LRRC7: variants seen among roughly 807,000 people sequenced by gnomAD.
LRRC7 encodes the protein leucine rich repeat containing 7.
In LRRC7, 23 loss-of-function variants were observed where a neutral mutation model predicts 175.7. That is an observed-to-expected ratio of 0.13 (90% CI 0.09 to 0.19). LRRC7 has a LOEUF of 0.19. LRRC7 is among the 10% of genes least tolerant of loss of function. The probability of loss-of-function intolerance (pLI) is 1.00; values close to 1 mark genes in which losing one functional copy is unlikely to be tolerated. For synonymous variants in LRRC7, 685 were observed against 680.9 expected, an observed-to-expected ratio of 1.01 and a Z score of -0.09; for missense variants, 1,354 against 1,904.7, an observed-to-expected ratio of 0.71 and a Z score of 5.38.
Position 69,718,136 on chromosome 1 carries a change from A to AAAG in LRRC7, c.100+39659_100+39660insAGA, listed in dbSNP as rs1553146112. Among the ~76,000 whole-genome samples, 144 of 79,614 alleles carry AAAG rather than the reference A, an allele frequency of 1.8e-3. 4 individuals are homozygous for AAAG. The highest frequency in any genetic ancestry group is 2.7e-3 in the Admixed American group (21 of 7,674). The allele number at this position is 79,614 out of a possible 152,430, so 52.2% of individuals were successfully genotyped here. On this transcript the variant is annotated intron_variant, in intron 2 of 26. Transcript: ENST00000651989. ...AAGAAAGAAAGAAAGAAAAGAAAGA[A>AAAG]AGAGAGAGAAAGAAAGAAAGAAAGA...
intron 3 of LRRC7, among the ~76,000 whole-genome samples, chr1:69,763,972 T>A (rs1018771165): frequency 6.6e-6 from 1 of 151,950 alleles, no homozygotes; most frequent in Non-Finnish European, 1.5e-5. Flanking sequence ...ATCTCTACTA[T>A]AAGATGTTAT....
At chr1:69,732,256 T>C (rs569653334) in intron 2 of LRRC7, among the ~76,000 whole-genome samples, 1 of 152,066 alleles carries the variant, frequency 6.6e-6, no homozygotes, top group South Asian at 2.1e-4. Context: ...TACTTAATAC[T>C]AGGGCAAAAA....
At chr1:70,057,778 G>A (rs1187365231) in intron 23 of LRRC7, among the ~76,000 whole-genome samples, 3 of 152,158 alleles carry the variant, frequency 2.0e-5, no homozygotes, top group Non-Finnish European at 4.4e-5. Flanking sequence ...GAGAACAAAT[G>A]TGGGTGTCTT....
At chr1:69,800,619 C>G (rs80264050) in intron 4 of LRRC7, among the ~76,000 whole-genome samples, 605 of 151,964 alleles carry the variant, frequency 4.0e-3, no homozygotes, top group African/African-American at 0.014. Flanking sequence ...ATTCCTTTTT[C>G]AAATCTAAGC....
At chr1:70,100,936 C>T (rs956237303) in intron 25 of LRRC7, among the ~76,000 whole-genome samples, 5 of 152,088 alleles carry the variant, frequency 3.3e-5, no homozygotes, top group Non-Finnish European at 5.9e-5. Context: ...CCTTAAAATA[C>T]TTTGTCATCA....
chr1:69,926,978 C>T (rs1027410426), intron 7 of LRRC7, among the ~76,000 whole-genome samples: 12 of 152,280 alleles, frequency 7.9e-5, no homozygotes, highest in Admixed American at 3.3e-4. Flanking sequence ...ATGCTTCCTT[C>T]AGGAGGTCTT....
At position 70,132,501 on chromosome 1, in the gene LRRC7, T is replaced by TGTC. The variant is rs1173077082; in HGVS notation, c.*10615_*10617dup. Among the ~76,000 whole-genome samples the TGTC allele has an allele frequency of 1.2e-4, 17 of 141,860 alleles. No individual in the cohort carries two copies. The highest frequency in any genetic ancestry group is 4.2e-4 in the African/African-American group (16 of 37,914). The allele number at this position is 141,860 out of a possible 152,430, so 93.1% of individuals were successfully genotyped here. ...TTTTTTTTGAGACGGAGTCTCACTC[T>TGTC]GTCATCAGGCTGGAGGCTGGAGTGC... On this transcript the variant is annotated 3_prime_UTR_variant, in exon 27 of 27. Transcript: ENST00000651989.
intron 18 of LRRC7, 31 bp from the exon 19 acceptor site, chr1:70,036,090 T>C (rs563229742): frequency 6.5e-7 from 1 of 1,527,238 alleles, no homozygotes; most frequent in East Asian, 2.3e-5. Flanking sequence ...AAATGTTTAC[T>C]TTCCTTGTCC....
At chr1:70,018,188 C>G (rs1250903755) in intron 14 of LRRC7, among the ~76,000 whole-genome samples, 4 of 151,938 alleles carry the variant, frequency 2.6e-5, no homozygotes, top group African/African-American at 9.7e-5. Flanking sequence ...GAAATATGCA[C>G]AGAGGTCAAT....
At chr1:69,685,476 A>G (rs1292332755) in intron 2 of LRRC7, among the ~76,000 whole-genome samples, 2 of 152,136 alleles carry the variant, frequency 1.3e-5, no homozygotes, top group African/African-American at 4.8e-5. Context: ...CAATTATATA[A>G]TCTCTTGAAA....
intron 7 of LRRC7, among the ~76,000 whole-genome samples, chr1:69,872,485 CTTAAA>C (rs1332216846): frequency 5.3e-5 from 8 of 151,920 alleles, no homozygotes; most frequent in Non-Finnish European, 1.2e-4. Context: ...ATGCCAATTT[CTTAAA>C]TTAAAAAGGT....
intron 1 of LRRC7, among the ~76,000 whole-genome samples, chr1:69,588,988 T>TGTGTGTGTGTGTGG (rs200739266): frequency 0.15 from 22,254 of 147,906 alleles, 1,768 homozygotes; most frequent in Admixed American, 0.19. Context: ...CTGGGGTCTG[T>TGTGTGTGTGTGTGG]GTGTGTGTGT....
At chr1:69,927,239 C>T (rs1464543508) in intron 7 of LRRC7, among the ~76,000 whole-genome samples, 1 of 152,170 alleles carries the variant, frequency 6.6e-6, no homozygotes, top group South Asian at 2.1e-4. Context: ...CTGCCCTTAA[C>T]ATTTTTTCCT....
intron 1 of LRRC7, among the ~76,000 whole-genome samples, chr1:69,654,906 A>G (rs545859966): frequency 6.6e-6 from 1 of 152,268 alleles, no homozygotes; most frequent in South Asian, 2.1e-4. Flanking sequence ...TTGATAAATT[A>G]TCAAAATTAT....
chr1:70,122,257 T>G lies in LRRC7; in HGVS notation c.*370T>G, dbSNP rs1666248945. 1 of 163,608 alleles carries G rather than the reference T, an allele frequency of 6.1e-6. No homozygotes were observed. 10.1% of individuals were successfully genotyped at this position (163,608 alleles called of 1,614,324 possible). A position where few individuals can be genotyped will look rare whatever the true frequency, so the allele number is the denominator to read the frequency against. On this transcript the variant is annotated 3_prime_UTR_variant, in exon 27 of 27. Transcript: ENST00000651989. The stretch of plus-strand genomic sequence containing the variant: ...TCCATCAGAAACACTGCCTCAAAGT[T>G]GTATATGCCTTTATATAGAAAATAC...
intron 4 of LRRC7, among the ~76,000 whole-genome samples, chr1:69,822,713 A>G (rs1233344925): frequency 3.9e-5 from 6 of 152,176 alleles, no homozygotes; most frequent in African/African-American, 7.2e-5. Context: ...GAGCTGTGCT[A>G]GCTTGAGGGT....
At chr1:69,605,123 T>C (rs1311434262) in intron 1 of LRRC7, among the ~76,000 whole-genome samples, 2 of 152,108 alleles carry the variant, frequency 1.3e-5, no homozygotes, top group South Asian at 2.1e-4. Flanking sequence ...GGGAGAAATC[T>C]TGTGGGAGGT....
intron 3 of LRRC7, among the ~76,000 whole-genome samples, chr1:69,764,937 C>T (rs1671466408): frequency 6.6e-6 from 1 of 151,950 alleles, no homozygotes; most frequent in Non-Finnish European, 1.5e-5. Flanking sequence ...TATGTAACAT[C>T]TCAGGATAGT....
At chr1:69,946,789 G>A (rs1451436290) in intron 8 of LRRC7, among the ~76,000 whole-genome samples, 3 of 151,904 alleles carry the variant, frequency 2.0e-5, no homozygotes, top group African/African-American at 7.3e-5. Flanking sequence ...TGCCTTTAAA[G>A]TGAGTAGGCC....
Sources: gnomAD v4.1 joint callset for allele counts (sites outside exome capture counted in the v4.1 genomes callset) on GRCh38, gnomAD v4.1.1 for gene constraint, MANE v1.5 for transcripts, NCBI Gene and HGNC (gene_info 2026-07-23, HGNC 2026-07-21) for gene names.